Variants in NAALADL2 observed in about 807,000 individuals in gnomAD.
NAALADL2 encodes N-acetylated alpha-linked acidic dipeptidase like 2, also known as inactive N-acetylated-alpha-linked acidic dipeptidase-like protein 2.
A neutral mutation model predicts 87.2 loss-of-function variants in NAALADL2; 76 were observed. The observed-to-expected ratio is 0.87, with a 90% confidence interval of 0.72 to 1.05. The LOEUF is 1.05. Ranked by LOEUF, NAALADL2 falls within the 50% of genes least tolerant of loss-of-function variation. The probability of loss-of-function intolerance (pLI) is 0.00; values close to 1 mark genes in which losing one functional copy is unlikely to be tolerated. For missense variants in NAALADL2, 1,089 were observed against 945.8 expected (o/e 1.15, Z -1.99); for synonymous variants, 354 against 331.0 (o/e 1.07, Z -0.75).
intron 2 of NAALADL2, among the ~76,000 whole-genome samples, chr3:174,646,777 A>T (rs1723828380): frequency 1.3e-5 from 2 of 152,164 alleles, no homozygotes; most frequent in Admixed American, 6.5e-5. Context: ...GGAATAACTA[A>T]TGAAAATATT....
intron 1 of NAALADL2, among the ~76,000 whole-genome samples, chr3:175,060,331 C>T (rs953297613): frequency 1.3e-5 from 2 of 152,138 alleles, no homozygotes; most frequent in African/African-American, 4.8e-5. Flanking sequence ...TTCGTAAATA[C>T]AAATAGAATT....
intron 1 of NAALADL2, among the ~76,000 whole-genome samples, chr3:174,500,679 G>A (rs944922075): frequency 3.3e-5 from 5 of 152,030 alleles, no homozygotes; most frequent in African/African-American, 1.2e-4. Flanking sequence ...TATCGTGAAT[G>A]GATATGGGAT....
Position 175,736,873 on chromosome 3 carries a change from CAAATA to C in NAALADL2, c.1897-425_1897-421del, listed in dbSNP as rs112255548. The stretch of plus-strand genomic sequence containing the variant: ...CTGCCAAATGTGGCCTGTAGGTTAT[CAAATA>C]AAATAAATTGATCATTAATTTTGTC... On this transcript the variant is annotated intron_variant, in intron 11 of 13. Transcript: ENST00000454872. Among the ~76,000 whole-genome samples the C allele has an allele frequency of 5.9e-3, 898 of 152,290 alleles. 8 individuals are homozygous for C. Among genetic ancestry groups the C allele is most frequent in the African/African-American group, 0.02 (844 of 41,572 alleles).
intron 1 of NAALADL2, among the ~76,000 whole-genome samples, chr3:174,941,143 C>CTA (rs1738519004): frequency 6.6e-6 from 1 of 152,094 alleles, no homozygotes; most frequent in African/African-American, 2.4e-5. Context: ...GCATTTAATG[C>CTA]TATGAATTTC....
chr3:174,873,229 C>CTTTA (rs150711871), intron 1 of NAALADL2, among the ~76,000 whole-genome samples: 6,279 of 144,374 alleles, frequency 0.043, 198 homozygotes, highest in African/African-American at 0.086. Flanking sequence ...GTGTACATGT[C>CTTTA]TTTATTTATT....
chr3:174,551,990 T>C (rs1327984139), intron 2 of NAALADL2, among the ~76,000 whole-genome samples: 1 of 152,226 alleles, frequency 6.6e-6, no homozygotes, highest in Non-Finnish European at 1.5e-5. Context: ...AGTTTTTTTC[T>C]ATGTAGAATG....
chr3:175,295,191 A>G (rs923938895), intron 4 of NAALADL2, among the ~76,000 whole-genome samples: 1 of 152,180 alleles, frequency 6.6e-6, no homozygotes, highest in Non-Finnish European at 1.5e-5. Context: ...TTACCTGATT[A>G]TGTGCAGGCC....
intron 1 of NAALADL2, among the ~76,000 whole-genome samples, chr3:174,502,099 G>GAGAAGCTTAAGGAAAATAGAGAAGC (rs1186686252): frequency 2.6e-5 from 4 of 152,150 alleles, no homozygotes; most frequent in South Asian, 4.1e-4. Flanking sequence ...TTAAGTGAAA[G>GAGAAGCTTAAGGAAAATAGAGAAGC]TTACTCTTTT....
rs546641356 is a variant in NAALADL2, at chr3:175,057,824, T to G, written c.44-38966T>G. Among the ~76,000 whole-genome samples the G allele has an allele frequency of 2.6e-5, 4 of 152,312 alleles. No homozygotes were observed. The South Asian group carries it at 8.3e-4, about 32-fold the overall frequency. ...GACTTTCCATAGTTAATTGAGACAC[T>G]AAGTTATCCCCCTAAATTCACAGCT... On this transcript the variant is annotated intron_variant, in intron 1 of 13. Transcript: ENST00000454872.
At position 175,755,411 on chromosome 3, in the gene NAALADL2, T is replaced by C. The variant is rs749235686; in HGVS notation, c.2182T>C (p.Phe728Leu). The C allele has an allele frequency of 2.5e-6, 4 of 1,592,176 alleles. No individual in the cohort carries two copies. Among genetic ancestry groups the C allele is most frequent in the Non-Finnish European group, 3.4e-6 (4 of 1,168,072 alleles). Reference protein sequence around the residue: ...SFLVKQAPPGFYRNILYHLDE... With the variant: ...SFLVKQAPPGLYRNILYHLDE... ...TCTGGTAAAGCAGGCACCACCAGGT[T>C]TTTATAGGTAGGATGCATGTCTCAA... Residue 728 changes from phenylalanine (F) to leucine (L), a missense_variant, in exon 13 of 14, where the codon TTT becomes CTT. Physicochemically the swap from Phe to Leu is conservative, Grantham distance 22. Coordinates refer to ENST00000454872, the MANE Select transcript of NAALADL2 (RefSeq NM_207015.3).
At chr3:175,165,211 C>G (rs1257589198) in intron 2 of NAALADL2, among the ~76,000 whole-genome samples, 1 of 151,986 alleles carries the variant, frequency 6.6e-6, no homozygotes, top group African/African-American at 2.4e-5. Flanking sequence ...AAAGAATTAC[C>G]AATTGTCATC....
intron 1 of NAALADL2, among the ~76,000 whole-genome samples, chr3:174,478,926 C>G (rs1717378902): frequency 6.6e-6 from 1 of 152,162 alleles, no homozygotes; most frequent in African/African-American, 2.4e-5. Flanking sequence ...CTAGGCTGGT[C>G]TTGAACTCCT....
intron 4 of NAALADL2, among the ~76,000 whole-genome samples, chr3:175,306,265 G>T (rs919218031): frequency 6.6e-6 from 1 of 151,972 alleles, no homozygotes; most frequent in African/African-American, 2.4e-5. Flanking sequence ...TGATGAAAAT[G>T]ATGCTATTTT....
intron 12 of NAALADL2, among the ~76,000 whole-genome samples, chr3:175,748,147 T>G (rs1452463824): frequency 1.3e-5 from 2 of 152,216 alleles, no homozygotes; most frequent in Non-Finnish European, 2.9e-5. Context: ...TAATATCTTT[T>G]TATCTATGCA....
At chr3:175,442,114 T>C (rs1452146550) in intron 5 of NAALADL2, among the ~76,000 whole-genome samples, 1 of 152,006 alleles carries the variant, frequency 6.6e-6, no homozygotes, top group Admixed American at 6.6e-5. Context: ...CCAGCTAATT[T>C]TTGTAATTTC....
chr3:174,640,467 G>C (rs933087776), intron 2 of NAALADL2, among the ~76,000 whole-genome samples: 1 of 144,040 alleles, frequency 6.9e-6, no homozygotes, highest in Non-Finnish European at 1.5e-5. Flanking sequence ...GTGTGTGTGT[G>C]GAAGGGAAAA....
intron 1 of NAALADL2, among the ~76,000 whole-genome samples, chr3:175,094,175 A>G (rs1720696556): frequency 6.6e-6 from 1 of 152,020 alleles, no homozygotes; most frequent in African/African-American, 2.4e-5. Flanking sequence ...AATGGGAGAA[A>G]AAAATCTAGA....
chr3:174,520,322 G>A (rs991235090), intron 1 of NAALADL2, among the ~76,000 whole-genome samples: 2 of 152,048 alleles, frequency 1.3e-5, no homozygotes, highest in Non-Finnish European at 1.5e-5. Flanking sequence ...TTACTACAAG[G>A]CTATAGTAAC....
At chr3:174,661,133 G>A (rs1230578229) in intron 2 of NAALADL2, among the ~76,000 whole-genome samples, 1 of 152,136 alleles carries the variant, frequency 6.6e-6, no homozygotes, top group Non-Finnish European at 1.5e-5. Flanking sequence ...ATTTGTTTGT[G>A]ATTGGAATAC....
Sources: gnomAD v4.1 joint callset for allele counts (sites outside exome capture counted in the v4.1 genomes callset) on GRCh38, gnomAD v4.1.1 for gene constraint, MANE v1.5 for transcripts, NCBI Gene and HGNC (gene_info 2026-07-23, HGNC 2026-07-21) for gene names.